LYST: variants seen among roughly 807,000 people sequenced by gnomAD.
LYST encodes lysosomal-trafficking regulator.
LYST carries 192 observed loss-of-function variants against 413.6 expected under a neutral mutation model. The observed-to-expected ratio is 0.46, with a 90% CI of 0.41 to 0.52. The LOEUF is 0.52. Among genes scored for constraint, LYST ranks in the 20% least tolerant of loss-of-function variants. LYST has a pLI of 0.00. For missense variants in LYST, 3,815 were observed against 4,499.9 expected (o/e 0.85, Z 4.35); for synonymous variants, 1,525 against 1,567.3 (o/e 0.97, Z 0.64).
At chr1:235,685,122 TG>T (rs1460344564) in intron 48 of LYST, among the ~76,000 whole-genome samples, 2 of 152,214 alleles carry the variant, frequency 1.3e-5, no homozygotes, top group Non-Finnish European at 2.9e-5. Flanking sequence ...CTGCCTGAAA[TG>T]TTCTTTCCTC....
chr1:235,663,193 CAT>C (rs1333217192), intron 52 of LYST, 115 bp from the exon 53 acceptor site: 2 of 747,868 alleles, frequency 2.7e-6, no homozygotes, highest in African/African-American at 1.7e-5. Context: ...CGCAGAGAGA[CAT>C]AAACTAAATG....
At chr1:235,840,923 G>T (rs927488513) in intron 1 of LYST, among the ~76,000 whole-genome samples, 1 of 152,184 alleles carries the variant, frequency 6.6e-6, no homozygotes, top group Non-Finnish European at 1.5e-5. Context: ...GTAAGGGAGG[G>T]ATCAGGACAA....
Position 235,762,789 on chromosome 1 carries a change from C to T in LYST, c.6184G>A (p.Gly2062Arg), listed in dbSNP as rs1286032322. 8 of 1,612,908 alleles carry T rather than the reference C, an allele frequency of 5.0e-6. No homozygotes were observed. Among genetic ancestry groups the T allele is most frequent in the Admixed American group, 1.7e-5 (1 of 59,986 alleles). The change falls in exon 22 of 53, where the codon GGA becomes AGA. Residue 2062 changes from glycine (G) to arginine (R), a missense_variant. Coordinates refer to ENST00000389793, the MANE Select transcript of LYST (RefSeq NM_000081.4). ...IMYLRHSSSG[G>R]RSLMSPGFMV... is the part of the protein sequence containing the mutation. The stretch of plus-strand genomic sequence containing the variant: ...AATCCAGGGCTCATAAGGGACCTTC[C>T]TCCACTGCTGGAATGCCTCAGGTAC...
chr1:235,794,967 C>T (rs76684912), intron 10 of LYST, among the ~76,000 whole-genome samples: 4,433 of 151,966 alleles, frequency 0.029, 201 homozygotes, highest in African/African-American at 0.1. Context: ...AGGAAGAAAT[C>T]CGTAACAGCA....
chr1:235,782,246 G>GC (rs1056771785), intron 14 of LYST, among the ~76,000 whole-genome samples, 159 bp from the exon 15 acceptor site: 1 of 149,760 alleles, frequency 6.7e-6, no homozygotes, highest in African/African-American at 2.5e-5. Flanking sequence ...TCAGCTCACT[G>GC]CAAGCTCCGC....
At position 235,832,684 on chromosome 1, in the gene LYST, T is replaced by C. The variant is rs900404293; in HGVS notation, c.-8+894A>G. Among the ~76,000 whole-genome samples, 6 of 152,146 alleles carry C rather than the reference T, an allele frequency of 3.9e-5. No individual in the cohort carries two copies. In the East Asian group the frequency reaches 1.2e-3, roughly 29 times the overall value. ...ATAGTTTACTATGTAGCCAATCTCT[T>C]ATTTTTGAATAGATTGTTTCTAGCT... On this transcript the variant is annotated intron_variant, in intron 2 of 52. Transcript: ENST00000389793.
At chr1:235,875,107 G>A (rs1314690047) in intron 1 of LYST, among the ~76,000 whole-genome samples, 2 of 152,132 alleles carry the variant, frequency 1.3e-5, no homozygotes, top group African/African-American at 4.8e-5. Flanking sequence ...CTAGAATAGA[G>A]GGAACAGCGG....
chr1:235,678,092 T>C (rs1424170069), intron 48 of LYST, among the ~76,000 whole-genome samples: 1 of 151,996 alleles, frequency 6.6e-6, no homozygotes, highest in Non-Finnish European at 1.5e-5. Context: ...GTATAAAAGG[T>C]TTTTAGTAGA....
chr1:235,771,753 A>G (rs972551554), intron 19 of LYST, among the ~76,000 whole-genome samples: 1 of 152,016 alleles, frequency 6.6e-6, no homozygotes, highest in African/African-American at 2.4e-5. Flanking sequence ...CTTTCAAAAT[A>G]CTTTTCTCTG....
intron 1 of LYST, among the ~76,000 whole-genome samples, chr1:235,857,184 C>A (rs59441425): frequency 8.6e-5 from 13 of 151,956 alleles, no homozygotes; most frequent in African/African-American, 3.1e-4. Context: ...AGGCATAAAC[C>A]AGAGCCATCT....
In LYST at chr1:235,751,258, G is replaced by A. The variant is rs1286835572; in HGVS notation, c.7732C>T (p.Pro2578Ser). The A allele has an allele frequency of 2.5e-6, 4 of 1,613,642 alleles. No homozygotes were observed. The African/African-American group carries it at 5.3e-5, about 22-fold the overall frequency. ...ACTACTGCATGATGGGGAGCAGAAG[G>A]TGACTGGAGTGAATCTGTGAGGTTT... Reference protein sequence around the residue: ...SENLTDSLQSPSAPHHAVVQK... With the variant: ...SENLTDSLQSSSAPHHAVVQK... The change falls in exon 28 of 53, where the codon CCT becomes TCT. Residue 2578 changes from proline to serine, a missense_variant. Around this residue, in one of 4 missense-constraint regions of LYST, gnomAD observed 771 missense variants for 837.1 expected, o/e 0.92. Transcript: ENST00000389793.
intron 15 of LYST, 104 bp downstream of exon 15, chr1:235,781,823 T>C (rs1309712860): frequency 5.2e-6 from 4 of 764,344 alleles, no homozygotes; most frequent in South Asian, 4.4e-5. Context: ...TTACTTAGTT[T>C]AATATTTGTT....
chr1:235,805,964 T>C lies in LYST; in HGVS notation c.3172A>G (p.Ser1058Gly), dbSNP rs769928217. 9.3e-6 allele frequency: 15 copies of C among 1,613,756 alleles called. No individual in the cohort carries two copies. Among genetic ancestry groups the C allele is most frequent in the Non-Finnish European group, 1.3e-5 (15 of 1,179,704 alleles). ...IPSELGSLKK[S>G]ADSLGKLELQ... ...TCTAATTTACCTAAACTGTCAGCAC[T>C]CTTTTTTAGACTACCTAGTTCTGAT... Residue 1058 changes from serine to glycine, a missense_variant, in exon 6 of 53, where the codon AGT becomes GGT. Ser to Gly is a moderately conservative substitution (Grantham distance 56). Coordinates refer to ENST00000389793, the MANE Select transcript of LYST (RefSeq NM_000081.4).
rs1663313196 is a variant in LYST, at chr1:235,721,007, T to A, written c.9316-102A>T. The stretch of plus-strand genomic sequence containing the variant: ...CATTATAGACATGTTACAAATCTCA[T>A]GTCCTCCAAAAAAAGATTTTTTTCT... On this transcript the variant is annotated intron_variant, in intron 39 of 52. Transcript: ENST00000389793. 3 of 1,212,830 alleles carry A rather than the reference T, an allele frequency of 2.5e-6. No individual in the cohort carries two copies. In the Admixed American group the frequency reaches 5.5e-5, roughly 22 times the overall value. 75.1% of individuals were successfully genotyped at this position (1,212,830 alleles called of 1,614,324 possible).
chr1:235,743,952 C>T (rs766672894), intron 30 of LYST, 27 bp downstream of exon 30: 2 of 1,179,664 alleles, frequency 1.7e-6, no homozygotes, highest in East Asian at 4.7e-5. Flanking sequence ...TGTGAATGAA[C>T]ATTTCCCATG....
rs1343382158 is a variant in LYST, at chr1:235,677,180, T to C, written c.10949A>G (p.Tyr3650Cys). The C allele has an allele frequency of 1.9e-6, 3 of 1,610,658 alleles. No individual in the cohort carries two copies. The highest frequency in any genetic ancestry group is 2.5e-6 in the Non-Finnish European group (3 of 1,176,850). The change falls in exon 50 of 53, where the codon TAT becomes TGT. Residue 3650 changes from tyrosine to cysteine, a missense_variant. Physicochemically the swap from Tyr to Cys is radical, Grantham distance 194 (BLOSUM62 -2). Around this residue, in one of 4 missense-constraint regions of LYST, gnomAD observed 866 missense variants for 1,156.0 expected, o/e 0.75. Coordinates refer to ENST00000389793, the MANE Select transcript of LYST (RefSeq NM_000081.4). ...CIIWDLNRLC[Y>C]VQSLAGHKSP... ...TTTGTGTCCCGCCAGACTTTGTACA[T>C]AGCATAACCTGAAAGAAAAAAGACA... is the stretch of plus-strand genomic sequence containing the variant.
At chr1:235,773,567 C>T (rs753776980) in intron 19 of LYST, among the ~76,000 whole-genome samples, 12 of 152,042 alleles carry the variant, frequency 7.9e-5, no homozygotes, top group East Asian at 1.9e-4. Context: ...AAATACTATA[C>T]GATCCTACTT....
chr1:235,715,496 C>T, intron 41 of LYST, 139 bp from the exon 42 acceptor site: 1 of 781,464 alleles, frequency 1.3e-6, no homozygotes, highest in Non-Finnish European at 2.1e-6. Context: ...CCACTCTTAC[C>T]CAGGAGACTT....
At chr1:235,850,619 A>G (rs1678414125) in intron 1 of LYST, among the ~76,000 whole-genome samples, 1 of 152,222 alleles carries the variant, frequency 6.6e-6, no homozygotes, top group Admixed American at 6.5e-5. Context: ...AAATCTTCAC[A>G]ATCTATACAT....
Sources: gnomAD v4.1 joint callset for allele counts (sites outside exome capture counted in the v4.1 genomes callset) on GRCh38, gnomAD v4.1.1 for gene constraint, gnomAD v4.1.1 regional missense constraint, MANE v1.5 for transcripts, NCBI Gene and HGNC (gene_info 2026-07-23, HGNC 2026-07-21) for gene names.